Variants in MYO3B observed in about 807,000 individuals in gnomAD.
The protein encoded by MYO3B is myosin IIIB, also known as myosin-IIIb.
A neutral mutation model predicts 174.6 loss-of-function variants in MYO3B; 156 were observed. The observed-to-expected ratio is 0.89, with a 90% CI of 0.78 to 1.02. MYO3B has a LOEUF of 1.02. Among genes scored for constraint, MYO3B ranks in the 50% least tolerant of loss-of-function variants. The pLI is 0.00. For synonymous variants in MYO3B, 563 were observed against 569.1 expected (o/e 0.99, Z 0.15); for missense variants, 1,632 against 1,639.4 (o/e 1.00, Z 0.08).
chr2:170,432,652 C>G (rs575235826), intron 22 of MYO3B, among the ~76,000 whole-genome samples: 1 of 151,650 alleles, frequency 6.6e-6, no homozygotes, highest in South Asian at 2.1e-4. Flanking sequence ...TCTCGGCTCA[C>G]TGCAAGCTCC....
intron 32 of MYO3B, among the ~76,000 whole-genome samples, chr2:170,620,934 G>A (rs1451104895): frequency 6.6e-6 from 1 of 152,054 alleles, no homozygotes; most frequent in Admixed American, 6.6e-5. Flanking sequence ...TGTCACCCAG[G>A]TTAGAGTGCA....
In MYO3B at chr2:170,461,528, C is replaced by G. The variant is rs545620644; in HGVS notation, c.2731-1840C>G. On this transcript the variant is annotated intron_variant, in intron 23 of 34. Coordinates refer to ENST00000408978, the MANE Select transcript of MYO3B (RefSeq NM_138995.5). ...CGGTGGCTCAAGTCTGTAATCCTAG[C>G]ACTTTGGGAGGCCGAGGCAGGCAGA... is the stretch of plus-strand genomic sequence containing the variant. Among the ~76,000 whole-genome samples the G allele has an allele frequency of 2.7e-5, 4 of 148,928 alleles. No individual in the cohort carries two copies. In the South Asian group the frequency reaches 8.5e-4, roughly 32 times the overall value.
At chr2:170,646,413 G>C (rs1323833691) in intron 32 of MYO3B, among the ~76,000 whole-genome samples, 1 of 150,876 alleles carries the variant, frequency 6.6e-6, no homozygotes, top group East Asian at 1.9e-4. Context: ...TCTTTTTTTG[G>C]AGACCAAGCG....
chr2:170,342,798 A>C (rs1367490503), intron 8 of MYO3B, among the ~76,000 whole-genome samples: 1 of 152,166 alleles, frequency 6.6e-6, no homozygotes, highest in African/African-American at 2.4e-5. Flanking sequence ...CAGCTAGTAC[A>C]TGGTGGAGCT....
In MYO3B at chr2:170,214,405, G is replaced by T; in HGVS notation, c.348G>T (p.Glu116Asp). ...LELCNGGSVT[E>D]LVKGLLRCGQ... ...TGTGTAATGGGGGCTCAGTCACTGA[G>T]CTTGTCAAAGGTCTACTCAGATGTG... The change falls in exon 4 of 35, where the codon GAG becomes GAT. Residue 116 changes from glutamate (E) to aspartate (D), a missense_variant. Physicochemically the swap from Glu to Asp is conservative, Grantham distance 45. Coordinates refer to ENST00000408978, the MANE Select transcript of MYO3B (RefSeq NM_138995.5). The T allele has an allele frequency of 3.1e-6, 5 of 1,614,128 alleles. No individual in the cohort carries two copies. The highest frequency in any genetic ancestry group is 4.2e-6 in the Non-Finnish European group (5 of 1,180,002).
chr2:170,325,186 T>G (rs1435860177), intron 7 of MYO3B, among the ~76,000 whole-genome samples: 1 of 152,138 alleles, frequency 6.6e-6, no homozygotes, highest in Non-Finnish European at 1.5e-5. Flanking sequence ...TGTTACAAGT[T>G]AAACATTCTT....
intron 30 of MYO3B, 61 bp from the exon 31 acceptor site, chr2:170,542,845 C>A: frequency 7.7e-7 from 1 of 1,302,854 alleles, no homozygotes; most frequent in South Asian, 1.4e-5. Context: ...ACAGTCCTCT[C>A]TAAGTTTTTC....
At chr2:170,625,027 CTT>C (rs1189011576) in intron 32 of MYO3B, among the ~76,000 whole-genome samples, 5 of 152,148 alleles carry the variant, frequency 3.3e-5, no homozygotes, top group Non-Finnish European at 7.4e-5. Context: ...CTAAAATTCT[CTT>C]GTTTTGTTGT....
intron 32 of MYO3B, among the ~76,000 whole-genome samples, chr2:170,644,131 G>T (rs974659354): frequency 2.0e-5 from 3 of 152,060 alleles, no homozygotes; most frequent in African/African-American, 7.2e-5. Flanking sequence ...CATGAATTAG[G>T]GTTGCCAGAT....
intron 7 of MYO3B, among the ~76,000 whole-genome samples, chr2:170,292,213 C>A (rs1037157648): frequency 6.6e-6 from 1 of 152,118 alleles, no homozygotes; most frequent in African/African-American, 2.4e-5. Flanking sequence ...TATTGAGAGT[C>A]TCTAATGAGT....
chr2:170,540,102 G>A (rs139957159), intron 30 of MYO3B, among the ~76,000 whole-genome samples: 44 of 152,170 alleles, frequency 2.9e-4, no homozygotes, highest in African/African-American at 1.0e-3. Context: ...CAGGAGGATC[G>A]CTTGAGGCCA....
rs572576639 is a variant in MYO3B, at chr2:170,206,743, G to A, written c.321+6459G>A. On this transcript the variant is annotated intron_variant, in intron 3 of 34. Transcript: ENST00000408978. The surrounding 1 kb of genome is among the most constrained non-coding windows in gnomAD (Gnocchi z 4.3). ...TCTTCCCTCTCCCTTTTCCCTGGGTGGCATCTGGATCTGGGTACAAGTAGA... is the reference window on the plus strand; with the variant it reads ...TCTTCCCTCTCCCTTTTCCCTGGGTAGCATCTGGATCTGGGTACAAGTAGA... Among the ~76,000 whole-genome samples, 4 of 152,206 alleles carry A rather than the reference G, an allele frequency of 2.6e-5. 1 individual carries two copies. The South Asian group carries it at 8.3e-4, about 32-fold the overall frequency.
intron 23 of MYO3B, among the ~76,000 whole-genome samples, chr2:170,445,995 T>C (rs1380782819): frequency 6.8e-6 from 1 of 147,788 alleles, no homozygotes. Flanking sequence ...AATGGAAAAA[T>C]CACAAAAATG....
chr2:170,481,330 C>T (rs183080333), intron 25 of MYO3B, among the ~76,000 whole-genome samples: 7 of 152,292 alleles, frequency 4.6e-5, no homozygotes, highest in East Asian at 3.9e-4. Flanking sequence ...CAGTGGCTCG[C>T]GCCTGTAACC....
intron 23 of MYO3B, among the ~76,000 whole-genome samples, chr2:170,459,259 C>A (rs1485388942): frequency 6.6e-6 from 1 of 152,218 alleles, no homozygotes. Flanking sequence ...CCACATCCTG[C>A]GGATTGGTCC....
intron 3 of MYO3B, among the ~76,000 whole-genome samples, chr2:170,211,000 AC>A (rs2092764170): frequency 1.3e-5 from 2 of 152,312 alleles, no homozygotes; most frequent in South Asian, 4.1e-4. Context: ...CCTTTAAGAG[AC>A]AGGGCTAGGA....
At chr2:170,648,173 C>A (rs898448303) in intron 32 of MYO3B, 3 of 152,196 alleles carry the variant, frequency 2.0e-5, no homozygotes, top group Non-Finnish European at 2.9e-5. Context: ...TATGTTGGAA[C>A]CGTCAGAAAG....
At chr2:170,600,182 CAG>C (rs1694423374) in intron 32 of MYO3B, among the ~76,000 whole-genome samples, 1 of 151,644 alleles carries the variant, frequency 6.6e-6, no homozygotes, top group African/African-American at 2.4e-5. Context: ...TTCTAGGACT[CAG>C]ATGTTCAGTA....
In MYO3B at chr2:170,502,599, G is replaced by A. The variant is rs1426040001; in HGVS notation, c.3370+734G>A. On this transcript the variant is annotated intron_variant, in intron 28 of 34. Transcript: ENST00000408978. ...TCTTCTGCAAATGGCAGTGTCCACT[G>A]TGGGTGCGGGTGCCAGGCTGGGCTC... is the stretch of plus-strand genomic sequence containing the variant. 1.5e-4 allele frequency among the ~76,000 whole-genome samples: 3 copies of A among 19,748 alleles called. No homozygotes were observed. In the Non-Finnish European group the frequency reaches 0.011, roughly 73 times the overall value. The allele number at this position is 19,748 out of a possible 152,430, so 13.0% of individuals were successfully genotyped here. A position where few individuals can be genotyped will look rare whatever the true frequency, so the allele number is the denominator to read the frequency against.
Sources: gnomAD v4.1 joint callset for allele counts (sites outside exome capture counted in the v4.1 genomes callset) on GRCh38, gnomAD v4.1.1 for gene constraint, Gnocchi (gnomAD v3.1) non-coding constraint, MANE v1.5 for transcripts, NCBI Gene and HGNC (gene_info 2026-07-23, HGNC 2026-07-21) for gene names.